Variants in LGMN observed in about 807,000 individuals in gnomAD.
LGMN encodes the protein legumain.
Under a neutral mutation model 56.8 loss-of-function variants are expected in LGMN, and 36 were observed. The observed-to-expected ratio is 0.63, with a 90% CI of 0.49 to 0.84. LGMN has a LOEUF of 0.84. LGMN is among the 40% of genes least tolerant of loss of function. The pLI is 0.00. For synonymous variants in LGMN, 199 were observed against 210.1 expected (o/e 0.95, Z 0.46); for missense variants, 446 against 556.1 (o/e 0.80, Z 1.99).
At chr14:92,721,575 C>T (rs1054445356) in intron 2 of LGMN, among the ~76,000 whole-genome samples, 8 of 152,224 alleles carry the variant, frequency 5.3e-5, no homozygotes, top group African/African-American at 1.9e-4. Context: ...TGGCACTCCA[C>T]TCTGGAAAAC....
At position 92,732,729 on chromosome 14, in the gene LGMN, T is replaced by C. The variant is rs1369171079; in HGVS notation, c.58A>G (p.Ile20Val). 3 of 1,614,160 alleles carry C rather than the reference T, an allele frequency of 1.9e-6. No homozygotes were observed. The highest frequency in any genetic ancestry group is 1.7e-6 in the Non-Finnish European group (2 of 1,180,024). ...SVALGIGAVP[I>V]DDPEDGGKHW... ...TTGCCTCCATCTTCAGGATCATCTATAGGAACGGCACCAATGCCCAGGGCC... is the reference window on the plus strand; with the variant it reads ...TTGCCTCCATCTTCAGGATCATCTACAGGAACGGCACCAATGCCCAGGGCC... Residue 20 changes from isoleucine to valine, a missense_variant, in exon 2 of 14, where the codon ATA becomes GTA. Transcript: ENST00000334869.
chr14:92,734,153 A>G (rs1302927838), intron 1 of LGMN, among the ~76,000 whole-genome samples: 1 of 152,220 alleles, frequency 6.6e-6, no homozygotes, highest in East Asian at 1.9e-4. Flanking sequence ...CATCTGTACA[A>G]CATGCAGGGC....
chr14:92,714,994 ATTTTTTT>A lies in LGMN; in HGVS notation c.405-550_405-544del, dbSNP rs780256263. Reference sequence around the variant, plus strand: ...CTCACAGATGTCCATCTCCATACTAATTTTTTTTTTTTTTTTTTTTTTGAGATGGAGT... The same window carrying A: ...CTCACAGATGTCCATCTCCATACTAATTTTTTTTTTTTTTTGAGATGGAGT... On this transcript the variant is annotated intron_variant, in intron 5 of 13. Coordinates refer to ENST00000334869, the MANE Select transcript of LGMN (RefSeq NM_005606.7). This position sits in a 1 kb window ranked among gnomAD's most constrained non-coding sequence, Gnocchi z 5.1. Among the ~76,000 whole-genome samples the A allele has an allele frequency of 2.4e-5, 3 of 127,380 alleles. No individual in the cohort carries two copies. The highest frequency in any genetic ancestry group is 4.7e-4 in the East Asian group (2 of 4,226). The allele number at this position is 127,380 out of a possible 152,430, so 83.6% of individuals were successfully genotyped here. A position where few individuals can be genotyped will look rare whatever the true frequency, so the allele number is the denominator to read the frequency against.
At position 92,724,675 on chromosome 14, in the gene LGMN, G is replaced by C. The variant is rs1350744138; in HGVS notation, c.139-5831C>G. ...AGAGCCCTCCGGAATGACAAACAGA[G>C]ATTGTGACTTGGCTGGTTTGATAGC... On this transcript the variant is annotated intron_variant, in intron 2 of 13. Coordinates refer to ENST00000334869, the MANE Select transcript of LGMN (RefSeq NM_005606.7). 5.9e-5 allele frequency among the ~76,000 whole-genome samples: 9 copies of C among 152,344 alleles called. No homozygotes were observed. In the East Asian group the frequency reaches 1.7e-3, roughly 29 times the overall value.
At chr14:92,733,155 A>G (rs1055718857) in intron 1 of LGMN, among the ~76,000 whole-genome samples, 1 of 151,950 alleles carries the variant, frequency 6.6e-6, no homozygotes, top group Non-Finnish European at 1.5e-5. Context: ...CTCCAAAAAA[A>G]AAAAAAAAAA....
intron 11 of LGMN, among the ~76,000 whole-genome samples, chr14:92,709,006 G>A (rs965587848): frequency 7.2e-5 from 11 of 152,246 alleles, no homozygotes; most frequent in East Asian, 3.9e-4. Flanking sequence ...CCAGCATTCC[G>A]GTGAGCACAC....
chr14:92,717,062 G>A (rs970842439), intron 4 of LGMN, among the ~76,000 whole-genome samples: 2 of 152,148 alleles, frequency 1.3e-5, no homozygotes, highest in African/African-American at 4.8e-5. Context: ...TTATAAAAGA[G>A]CACAGGTAAT....
chr14:92,710,358 G>A (rs1889696890), intron 10 of LGMN, among the ~76,000 whole-genome samples: 1 of 152,226 alleles, frequency 6.6e-6, no homozygotes, highest in Non-Finnish European at 1.5e-5. Context: ...AAGTCCCTAA[G>A]GACCAGTAGT....
intron 1 of LGMN, among the ~76,000 whole-genome samples, chr14:92,737,236 A>G (rs572228749): frequency 6.6e-6 from 1 of 152,218 alleles, no homozygotes; most frequent in South Asian, 2.1e-4. Context: ...CTCTCCTTTT[A>G]TCATTCCTCT....
intron 2 of LGMN, among the ~76,000 whole-genome samples, chr14:92,722,268 A>C (rs1288248582): frequency 1.3e-5 from 2 of 151,914 alleles, no homozygotes; most frequent in Non-Finnish European, 2.9e-5. Flanking sequence ...TTTGTCTGCC[A>C]TTTAATTTAA....
intron 2 of LGMN, among the ~76,000 whole-genome samples, chr14:92,723,540 G>A (rs1431120191): frequency 6.6e-6 from 1 of 152,176 alleles, no homozygotes; most frequent in Admixed American, 6.5e-5. Context: ...GGAATAAACA[G>A]GAGTGAAGCA....
rs1168318729 is a variant in LGMN, at chr14:92,709,741, C to T, written c.951G>A (p.Arg317=). The T allele has an allele frequency of 6.2e-7, 1 of 1,614,086 alleles. No individual in the cohort carries two copies. The highest frequency in any genetic ancestry group is 1.7e-5 in the Admixed American group (1 of 60,018). ...SPDVPLTIMK[R]KLMNTNDLEE... Reference sequence around the variant, plus strand: ...CCAGATCATTGGTGTTCATCAGTTTCCTTTTCATGATGGTGAGAGGCACAT... The same window carrying T: ...CCAGATCATTGGTGTTCATCAGTTTTCTTTTCATGATGGTGAGAGGCACAT... Residue 317 remains arginine, a synonymous_variant, in exon 11 of 14, where the codon AGG becomes AGA. Coordinates refer to ENST00000334869, the MANE Select transcript of LGMN (RefSeq NM_005606.7).
intron 1 of LGMN, among the ~76,000 whole-genome samples, chr14:92,738,234 T>A (rs1445578133): frequency 2.0e-5 from 3 of 151,738 alleles, no homozygotes; most frequent in Non-Finnish European, 4.4e-5. Flanking sequence ...CTTCTAATCC[T>A]CTGTGAGAAA....
In LGMN at chr14:92,709,881, A is replaced by T; in HGVS notation, c.820-9T>A. 1 of 1,590,996 alleles carries T rather than the reference A, an allele frequency of 6.3e-7. No individual in the cohort carries two copies. The highest frequency in any genetic ancestry group is 8.6e-7 in the Non-Finnish European group (1 of 1,165,712). On this transcript the variant is annotated splice_polypyrimidine_tract_variant and intron_variant, in intron 10 of 13. Transcript: ENST00000334869. ...TTCATGGTGGAGATTGTCTGGGGAG[A>T]CAGACAGCAAGAGAGAGCGAGAGAG...
chr14:92,738,849 T>A (rs1891422288), intron 1 of LGMN, among the ~76,000 whole-genome samples: 1 of 151,182 alleles, frequency 6.6e-6, no homozygotes, highest in East Asian at 2.0e-4. Context: ...TGAAACCCTG[T>A]CTCTACTAAT....
At chr14:92,739,604 G>T (rs1280753732) in intron 1 of LGMN, among the ~76,000 whole-genome samples, 4 of 152,188 alleles carry the variant, frequency 2.6e-5, no homozygotes, top group Non-Finnish European at 5.9e-5. Context: ...AACATAGGTT[G>T]TCAGATAGTG....
intron 2 of LGMN, among the ~76,000 whole-genome samples, chr14:92,723,598 G>A (rs1890594798): frequency 3.3e-5 from 5 of 152,104 alleles, no homozygotes; most frequent in Admixed American, 2.6e-4. Flanking sequence ...TGACACTAGG[G>A]GAAGCCAGAC....
At chr14:92,747,606 C>G (rs548930371) in intron 1 of LGMN, among the ~76,000 whole-genome samples, 2 of 152,318 alleles carry the variant, frequency 1.3e-5, no homozygotes, top group South Asian at 4.1e-4. Context: ...CCTGTACACA[C>G]GTGTATACTC....
chr14:92,717,515 T>G, intron 3 of LGMN, 54 bp from the exon 4 acceptor site: 1 of 1,300,504 alleles, frequency 7.7e-7, no homozygotes, highest in Non-Finnish European at 1.1e-6. Flanking sequence ...CCGAAATCTC[T>G]CTCTTCAAAC....
Sources: gnomAD v4.1 joint callset for allele counts (sites outside exome capture counted in the v4.1 genomes callset) on GRCh38, gnomAD v4.1.1 for gene constraint, Gnocchi (gnomAD v3.1) non-coding constraint, MANE v1.5 for transcripts, NCBI Gene and HGNC (gene_info 2026-07-23, HGNC 2026-07-21) for gene names.